Variants in APMAP observed in about 807,000 individuals in gnomAD.
APMAP encodes the protein adipocyte plasma membrane associated protein.
In APMAP, 33 loss-of-function variants were observed where a neutral mutation model predicts 43.6. The ratio of observed to expected loss-of-function variants is 0.76; its 90% CI spans 0.57 to 1.01. The LOEUF (loss-of-function observed/expected upper bound fraction) is 1.01. APMAP is among the 50% of genes least tolerant of loss of function. The probability of loss-of-function intolerance (pLI) is 0.00; values close to 1 mark genes in which losing one functional copy is unlikely to be tolerated. For missense variants in APMAP, 498 were observed against 540.7 expected, an observed-to-expected ratio of 0.92 and a Z score of 0.78; for synonymous variants, 224 against 216.7, an observed-to-expected ratio of 1.03 and a Z score of -0.30.
At chr20:24,971,434 G>T (rs1355257995) in intron 5 of APMAP, 26 bp downstream of exon 5, 1 of 1,579,476 alleles carries the variant, frequency 6.3e-7, no homozygotes, top group Non-Finnish European at 8.7e-7. Context: ...AATCTTCATA[G>T]AAGGAAACGA....
chr20:24,972,834 G>A (rs1390762489), intron 4 of APMAP, among the ~76,000 whole-genome samples: 4 of 151,758 alleles, frequency 2.6e-5, no homozygotes, highest in Admixed American at 2.6e-4. Context: ...GCTGACCATG[G>A]GTGCTCACTG....
intron 1 of APMAP, among the ~76,000 whole-genome samples, chr20:24,985,743 G>A (rs1010745846): frequency 6.6e-6 from 1 of 152,174 alleles, no homozygotes; most frequent in Non-Finnish European, 1.5e-5. Flanking sequence ...CACAGAAAAA[G>A]CCTAGATTTC....
At chr20:24,986,120 GC>G (rs938015722) in intron 1 of APMAP, among the ~76,000 whole-genome samples, 1 of 152,232 alleles carries the variant, frequency 6.6e-6, no homozygotes, top group Non-Finnish European at 1.5e-5. Context: ...AGGCCCGAGG[GC>G]AGTGTTAACC....
chr20:24,972,150 G>T (rs562949920), intron 4 of APMAP, among the ~76,000 whole-genome samples: 1 of 148,968 alleles, frequency 6.7e-6, no homozygotes, highest in Admixed American at 6.7e-5. Flanking sequence ...TTATTGCAAG[G>T]TGTTCACTGT....
intron 3 of APMAP, 75 bp from the exon 4 acceptor site, chr20:24,973,812 A>G: frequency 2.2e-6 from 3 of 1,351,050 alleles, no homozygotes; most frequent in Admixed American, 3.5e-5. Flanking sequence ...CTCCTACAAG[A>G]GGGCTTGTTT....
chr20:24,968,665 C>T (rs1025439544), intron 8 of APMAP, among the ~76,000 whole-genome samples: 1 of 152,022 alleles, frequency 6.6e-6, no homozygotes, highest in Admixed American at 6.5e-5. Flanking sequence ...CCCAAAGCCA[C>T]GATGGTGAGG....
chr20:24,966,824 G>A (rs562397930), intron 8 of APMAP, among the ~76,000 whole-genome samples: 20 of 152,266 alleles, frequency 1.3e-4, no homozygotes, highest in African/African-American at 4.3e-4. Context: ...GGAGCTGTGG[G>A]CATCTCCTGG....
At chr20:24,982,205 G>A (rs542980353) in intron 2 of APMAP, among the ~76,000 whole-genome samples, 7 of 150,824 alleles carry the variant, frequency 4.6e-5, no homozygotes, top group Admixed American at 2.6e-4. Flanking sequence ...AGAGAGACCC[G>A]TTGGCTGTGA....
In APMAP at chr20:24,968,800, A is replaced by C. The variant is rs545092472; in HGVS notation, c.1041+92T>G. 7.0e-6 allele frequency: 9 copies of C among 1,291,140 alleles called. No homozygotes were observed. The African/African-American group carries it at 1.0e-4, about 15-fold the overall frequency. 80.0% of individuals were successfully genotyped at this position (1,291,140 alleles called of 1,614,324 possible). A position where few individuals can be genotyped will look rare whatever the true frequency, so the allele number is the denominator to read the frequency against. ...GTGTCATTCAGAGCCAAATACTACA[A>C]GCAGAACTAGATTTTTAAGCTATAA... On this transcript the variant is annotated intron_variant, in intron 8 of 8. Transcript: ENST00000217456.
rs375375077 is a variant in APMAP at position 24,963,924 on chromosome 20, G to T, written c.1140C>A (p.Pro380=). ...TGATGTAGGTGGCCACCAGCCCATC[G>T]GGATCATGCAGGCTTCTCCGGAAGG... ...SGAFRRSLHD[P]DGLVATYISE... The change falls in exon 9 of 9, where the codon CCC becomes CCA. Residue 380 remains proline (P), a synonymous_variant. Coordinates refer to ENST00000217456, the MANE Select transcript of APMAP (RefSeq NM_020531.3). 9 of 1,614,106 alleles carry T rather than the reference G, an allele frequency of 5.6e-6. No individual in the cohort carries two copies. The highest frequency in any genetic ancestry group is 1.7e-6 in the Non-Finnish European group (2 of 1,180,052).
chr20:24,970,253 G>A lies in APMAP; in HGVS notation c.657C>T (p.Ser219=), dbSNP rs772440394. ...GCAGGTAGTCTCGTCTTTGCCATTT[G>A]CTGCTAGAATCGGTGAAATAAATCT... ...GRKIYFTDSS[S]KWQRRDYLLL... is the part of the protein sequence containing the mutation. Residue 219 remains serine (S), a synonymous_variant, in exon 6 of 9, where the codon AGC becomes AGT. Transcript: ENST00000217456. 6.2e-7 allele frequency: 1 copy of A among 1,614,132 alleles called. No homozygotes were observed. Among genetic ancestry groups the A allele is most frequent in the Middle Eastern group, 1.6e-4 (1 of 6,062 alleles).
intron 1 of APMAP, among the ~76,000 whole-genome samples, chr20:24,991,040 C>T (rs2088187652): frequency 6.6e-6 from 1 of 152,156 alleles, no homozygotes; most frequent in Non-Finnish European, 1.5e-5. Flanking sequence ...GGAAGAAATC[C>T]CCACAGAGAA....
rs773098418 is a variant in APMAP at position 24,971,522 on chromosome 20, G to A, written c.476C>T (p.Pro159Leu). The part of the protein sequence containing the change: ...CGRPLGIRAG[P>L]NGTLFVADAY... ...ATCGGCCACAAAGAGAGTCCCATTG[G>A]GCCCTGCACGGATACCCAGGGGTCT... The change falls in exon 5 of 9, where the codon CCC becomes CTC. Residue 159 changes from proline (P) to leucine (L), a missense_variant. By Grantham distance (98) the Pro-to-Leu change is moderately conservative (BLOSUM62 -3). Transcript: ENST00000217456. 2 of 1,614,106 alleles carry A rather than the reference G, an allele frequency of 1.2e-6. No homozygotes were observed. Among genetic ancestry groups the A allele is most frequent in the Admixed American group, 3.3e-5 (2 of 60,004 alleles).
At chr20:24,991,109 A>G (rs4815358) in intron 1 of APMAP, among the ~76,000 whole-genome samples, 112,122 of 152,094 alleles carry the variant, frequency 0.74, 41,646 homozygotes, top group East Asian at 0.99. Flanking sequence ...TGAGCCAGCC[A>G]ACTTGAGAGT....
intron 1 of APMAP, among the ~76,000 whole-genome samples, chr20:24,984,605 T>C (rs147293277): frequency 6.6e-6 from 1 of 152,318 alleles, no homozygotes; most frequent in African/African-American, 2.4e-5. Flanking sequence ...TTCAACCTAA[T>C]AGAAGAAGTC....
intron 8 of APMAP, among the ~76,000 whole-genome samples, chr20:24,965,156 C>T (rs761940816): frequency 6.6e-6 from 1 of 152,218 alleles, no homozygotes; most frequent in Non-Finnish European, 1.5e-5. Flanking sequence ...AATTCAACAG[C>T]CTCCCCAGCT....
At chr20:24,971,750 G>A (rs1263069356) in intron 4 of APMAP, among the ~76,000 whole-genome samples, 174 bp from the exon 5 acceptor site, 2 of 152,194 alleles carry the variant, frequency 1.3e-5, no homozygotes, top group Non-Finnish European at 2.9e-5. Context: ...GGTGCTTATT[G>A]CAAGGTGTTC....
At chr20:24,972,959 C>T (rs948832211) in intron 4 of APMAP, among the ~76,000 whole-genome samples, 3 of 152,154 alleles carry the variant, frequency 2.0e-5, no homozygotes, top group African/African-American at 4.8e-5. Context: ...TTCCATCATA[C>T]GTGTGGGTGT....
intron 3 of APMAP, among the ~76,000 whole-genome samples, chr20:24,973,938 G>A (rs2088028247): frequency 6.6e-6 from 1 of 152,204 alleles, no homozygotes; most frequent in Non-Finnish European, 1.5e-5. Flanking sequence ...GGGGCCTAGG[G>A]AAGCAGCCTG....
Sources: allele counts gnomAD v4.1 joint callset (sites outside exome capture counted in the v4.1 genomes callset), GRCh38; gene constraint gnomAD v4.1.1; transcripts MANE v1.5; gene names NCBI Gene and HGNC (gene_info 2026-07-23, HGNC 2026-07-21).